CA10: variants seen among roughly 807,000 people sequenced by gnomAD.
The protein encoded by CA10 is carbonic anhydrase 10 (inactive).
Under a neutral mutation model 44.2 loss-of-function variants are expected in CA10, and 14 were observed. That is an observed-to-expected ratio of 0.32 (90% CI 0.21 to 0.50). CA10 has a LOEUF of 0.50. Ranked by LOEUF, CA10 falls within the 20% of genes least tolerant of loss-of-function variation. The pLI is 0.99. For synonymous variants in CA10, 159 were observed against 141.6 expected (o/e 1.12, Z -0.87); for missense variants, 350 against 409.7 (o/e 0.85, Z 1.26).
chr17:52,129,655 A>C (rs1403534566), intron 1 of CA10, among the ~76,000 whole-genome samples: 1 of 152,224 alleles, frequency 6.6e-6, no homozygotes, highest in Non-Finnish European at 1.5e-5. Context: ...AATAGTAATA[A>C]ATAAGTACAA....
intron 4 of CA10, among the ~76,000 whole-genome samples, chr17:51,694,147 T>C (rs1328321053): frequency 6.7e-6 from 1 of 150,142 alleles, no homozygotes; most frequent in Non-Finnish European, 1.5e-5. Context: ...GAGGTTGCAG[T>C]GAGCTGAGAT....
chr17:51,695,011 CTA>C (rs1915352260), intron 4 of CA10, among the ~76,000 whole-genome samples: 1 of 152,116 alleles, frequency 6.6e-6, no homozygotes, highest in African/African-American at 2.4e-5. Flanking sequence ...TCCCATTGTT[CTA>C]TGTGTCTGTT....
At chr17:51,820,408 C>G (rs1256210918) in intron 3 of CA10, among the ~76,000 whole-genome samples, 14 of 68,684 alleles carry the variant, frequency 2.0e-4, no homozygotes, top group Admixed American at 1.8e-3. Context: ...TTCCCCTACC[C>G]CCCCCCCCCC....
intron 3 of CA10, among the ~76,000 whole-genome samples, chr17:51,846,800 G>T (rs1286221305): frequency 6.6e-6 from 1 of 152,220 alleles, no homozygotes; most frequent in East Asian, 1.9e-4. Context: ...GTCTGTGCTG[G>T]GTAGATATGT....
chr17:51,877,755 T>A (rs1345126497), intron 3 of CA10, among the ~76,000 whole-genome samples: 1 of 152,130 alleles, frequency 6.6e-6, no homozygotes, highest in Non-Finnish European at 1.5e-5. Flanking sequence ...TAGGTCAGTG[T>A]ATAGAAGGTC....
chr17:51,994,753 T>C (rs142137432), intron 2 of CA10, among the ~76,000 whole-genome samples: 332 of 152,148 alleles, frequency 2.2e-3, no homozygotes, highest in African/African-American at 7.6e-3. Context: ...TATAGGGAAA[T>C]CTACATTTTA....
At chr17:52,153,016 T>C (rs567511052) in intron 1 of CA10, among the ~76,000 whole-genome samples, 1 of 152,262 alleles carries the variant, frequency 6.6e-6, no homozygotes, top group South Asian at 2.1e-4. Flanking sequence ...CTAGATCTCT[T>C]TTTGACCTTA....
intron 3 of CA10, among the ~76,000 whole-genome samples, chr17:51,879,716 A>G (rs765947638): frequency 6.6e-6 from 1 of 152,196 alleles, no homozygotes; most frequent in Non-Finnish European, 1.5e-5. Context: ...ATTGCTCCCA[A>G]CAGAATCCTG....
chr17:52,139,498 G>A (rs1462257254), intron 1 of CA10, among the ~76,000 whole-genome samples: 7 of 148,264 alleles, frequency 4.7e-5, no homozygotes, highest in African/African-American at 1.5e-4. Flanking sequence ...CTCTCTGTTC[G>A]GTGTCTTTTG....
intron 6 of CA10, 94 bp downstream of exon 6, chr17:51,649,088 G>T: frequency 2.5e-6 from 2 of 811,918 alleles, no homozygotes; most frequent in Non-Finnish European, 4.2e-6. Context: ...AAACTGAAAA[G>T]GGCCCATGGA....
rs183133681 is a variant in CA10, at chr17:51,782,675, C to T, written c.280-34857G>A. 7.2e-5 allele frequency among the ~76,000 whole-genome samples: 11 copies of T among 152,356 alleles called. No individual in the cohort carries two copies. The East Asian group carries it at 1.7e-3, about 24-fold the overall frequency. On this transcript the variant is annotated intron_variant, in intron 3 of 8. Coordinates refer to ENST00000451037, the MANE Select transcript of CA10 (RefSeq NM_020178.5). ...GACCAAGAGGGATGCTGTCTCTCCT[C>T]CAGTGTGTATGATCTTGGCAGGAAA...
At chr17:51,844,681 G>T (rs1978412006) in intron 3 of CA10, among the ~76,000 whole-genome samples, 1 of 152,204 alleles carries the variant, frequency 6.6e-6, no homozygotes, top group South Asian at 2.1e-4. Flanking sequence ...GAATGGAAGT[G>T]TAACACTGTG....
chr17:51,899,363 T>A (rs571772778), intron 3 of CA10, among the ~76,000 whole-genome samples: 1 of 152,132 alleles, frequency 6.6e-6, no homozygotes, highest in Admixed American at 6.6e-5. Flanking sequence ...AATTGTATGG[T>A]TTTATGTAAT....
At chr17:52,076,970 G>A (rs1987833935) in intron 1 of CA10, among the ~76,000 whole-genome samples, 3 of 152,142 alleles carry the variant, frequency 2.0e-5, no homozygotes, top group African/African-American at 2.4e-5. Flanking sequence ...AAATCCAGGT[G>A]TCTAATTAAA....
intron 3 of CA10, among the ~76,000 whole-genome samples, chr17:51,785,993 C>G (rs139071667): frequency 3.3e-5 from 5 of 152,072 alleles, no homozygotes; most frequent in African/African-American, 1.2e-4. Context: ...TTTCTTTCAT[C>G]AGTGTTTTAT....
intron 2 of CA10, among the ~76,000 whole-genome samples, chr17:51,969,527 C>T (rs1336379849): frequency 6.6e-6 from 1 of 151,950 alleles, no homozygotes; most frequent in African/African-American, 2.4e-5. Flanking sequence ...TCTAGCAAAC[C>T]GACTGACAGT....
At position 51,631,433 on chromosome 17, in the gene CA10, C is replaced by A; in HGVS notation, c.*151G>T. ...GATGTATTCCTCTGCCATGGTTTTG[C>A]AGACACTTTTCATGAAGAAAGGGCC... On this transcript the variant is annotated 3_prime_UTR_variant, in exon 9 of 9. Coordinates refer to ENST00000451037, the MANE Select transcript of CA10 (RefSeq NM_020178.5). The A allele has an allele frequency of 2.6e-6, 2 of 757,198 alleles. No homozygotes were observed. The allele number at this position is 757,198 out of a possible 1,614,324, so 46.9% of individuals were successfully genotyped here. A position where few individuals can be genotyped will look rare whatever the true frequency, so the allele number is the denominator to read the frequency against.
chr17:52,006,818 G>A (rs1985615255), intron 2 of CA10, among the ~76,000 whole-genome samples: 2 of 151,492 alleles, frequency 1.3e-5, no homozygotes, highest in African/African-American at 4.8e-5. Context: ...GGACCCTCTT[G>A]GAATTTTAAT....
At chr17:52,066,113 C>A (rs1330410688) in intron 2 of CA10, among the ~76,000 whole-genome samples, 1 of 152,150 alleles carries the variant, frequency 6.6e-6, no homozygotes, top group Non-Finnish European at 1.5e-5. Flanking sequence ...CAGTCTCAGG[C>A]AGTTCTTTAT....
Sources: allele counts gnomAD v4.1 joint callset (sites outside exome capture counted in the v4.1 genomes callset), GRCh38; gene constraint gnomAD v4.1.1; transcripts MANE v1.5; gene names NCBI Gene and HGNC (gene_info 2026-07-23, HGNC 2026-07-21).